The following ARHGEF9 variants were observed in gnomAD, a reference collection of about 807,000 sequenced individuals.
ARHGEF9 encodes Cdc42 guanine nucleotide exchange factor 9.
ARHGEF9 carries 2 observed loss-of-function variants against 41.3 expected under a neutral mutation model. The observed-to-expected ratio is 0.05, with a 90% CI of 0.02 to 0.15. The LOEUF is 0.15. Among genes scored for constraint, ARHGEF9 ranks in the 10% least tolerant of loss-of-function variants. The pLI, the probability that ARHGEF9 is intolerant of heterozygous loss-of-function variation, is 1.00. For synonymous variants in ARHGEF9, 160 were observed against 154.4 expected (o/e 1.04, Z -0.27); for missense variants, 225 against 424.7 (o/e 0.53, Z 4.13).
chrX:63,708,464 C>A (rs1442391107), intron 2 of ARHGEF9, among the ~76,000 whole-genome samples: 4 of 112,087 alleles, frequency 3.6e-5, no homozygotes, highest in Admixed American at 2.8e-4. Flanking sequence ...AGAAATAGAA[C>A]CACATTTAGG....
chrX:63,744,849 C>A (rs1188866584), intron 1 of ARHGEF9, among the ~76,000 whole-genome samples: 2 of 111,875 alleles, frequency 1.8e-5, no homozygotes, highest in Non-Finnish European at 3.8e-5. Context: ...TTAATAAATC[C>A]CTCAACTCCC....
At chrX:63,703,020 T>G (rs1383720055) in intron 3 of ARHGEF9, 2 of 111,807 alleles carry the variant, frequency 1.8e-5, no homozygotes, top group Non-Finnish European at 3.8e-5. Context: ...TGATAAACCA[T>G]TCGCTCCTCA....
At position 63,706,347 on chromosome X, in the gene ARHGEF9, G is replaced by C. The variant is rs2052542875; in HGVS notation, c.313C>G (p.Gln105Glu). 8.3e-7 allele frequency: 1 copy of C among 1,207,092 alleles called. No individual in the cohort carries two copies. The highest frequency in any genetic ancestry group is 1.1e-6 in the Non-Finnish European group (1 of 893,198). Residue 105 changes from glutamine (Q) to glutamate (E), a missense_variant, in exon 3 of 10, where the codon CAG becomes GAG. Physicochemically the swap from Gln to Glu is conservative, Grantham distance 29. Coordinates refer to ENST00000671741, the MANE Select transcript of ARHGEF9 (RefSeq NM_001353921.2). ...TTGGCCCGCATCTGGTCCCGGTTCT[G>C]TAGTGGCCGCCCCAGACAGAGGCAG... ...SDCLCLGRPLQNRDQMRANVI... is the reference protein window; with the variant it reads ...SDCLCLGRPLENRDQMRANVI...
chrX:63,677,088 C>A (rs1248538140), intron 5 of ARHGEF9, among the ~76,000 whole-genome samples: 2 of 111,600 alleles, frequency 1.8e-5, no homozygotes, highest in Non-Finnish European at 3.8e-5. Context: ...GGAATGTGCC[C>A]ATCTCTAACC....
rs1320652611 is a variant in ARHGEF9 at position 63,785,163 on chromosome X, G to T, written c.-18C>A. On this transcript the variant is annotated 5_prime_UTR_variant, in exon 1 of 10. Transcript: ENST00000671741. ...CACTGCATGGTGCTTGCGAAGTCCG[G>T]CTTCTCTGAGGCCCCGTAGCTGGCG... 1 of 1,163,438 alleles carries T rather than the reference G, an allele frequency of 8.6e-7. No individual in the cohort carries two copies. Among genetic ancestry groups the T allele is most frequent in the Non-Finnish European group, 1.1e-6 (1 of 870,655 alleles).
Position 63,724,721 on chromosome X carries a change from C to A in ARHGEF9, c.31-10G>T, listed in dbSNP as rs782313914. ...AATCTCCAGTGATCAGCTTAGGAGA[C>A]AAAATGAGAATGTGTTCAGTCCACA... is the stretch of plus-strand genomic sequence containing the variant. On this transcript the variant is annotated splice_polypyrimidine_tract_variant and intron_variant, in intron 1 of 9. Transcript: ENST00000671741. The A allele has an allele frequency of 9.1e-6, 11 of 1,209,219 alleles. No individual in the cohort carries two copies. Among genetic ancestry groups the A allele is most frequent in the Non-Finnish European group, 1.1e-5 (10 of 893,612 alleles).
intron 4 of ARHGEF9, among the ~76,000 whole-genome samples, chrX:63,686,602 C>T (rs781906538): frequency 8.9e-6 from 1 of 111,794 alleles, no homozygotes; most frequent in Non-Finnish European, 1.9e-5. Context: ...GGCTAAGCCA[C>T]AGACTGGGAT....
At chrX:63,654,625 C>A (rs2048768541) in intron 8 of ARHGEF9, among the ~76,000 whole-genome samples, 1 of 111,708 alleles carries the variant, frequency 9.0e-6, no homozygotes, top group Non-Finnish European at 1.9e-5. Context: ...ATAAGAGAAC[C>A]CTTTTGCACC....
intron 1 of ARHGEF9, among the ~76,000 whole-genome samples, chrX:63,780,675 T>C (rs1395636348): frequency 8.9e-6 from 1 of 112,101 alleles, no homozygotes; most frequent in Non-Finnish European, 1.9e-5. Flanking sequence ...TTTAAAACAA[T>C]TGTGGTTACT....
At chrX:63,724,836 G>C (rs1364625963) in intron 1 of ARHGEF9, 125 bp from the exon 2 acceptor site, 13 of 666,144 alleles carry the variant, frequency 2.0e-5, no homozygotes, top group Non-Finnish European at 2.8e-5. Context: ...ATAGGGGTGA[G>C]GGGGATGGCA....
At chrX:63,650,766 T>C (rs1259685822) in intron 8 of ARHGEF9, among the ~76,000 whole-genome samples, 42 of 110,682 alleles carry the variant, frequency 3.8e-4, no homozygotes, top group African/African-American at 1.3e-3. Context: ...ACCTTAAAAA[T>C]ATGTATAATG....
chrX:63,661,727 A>T (rs1278577604), intron 7 of ARHGEF9, among the ~76,000 whole-genome samples: 9 of 110,789 alleles, frequency 8.1e-5, no homozygotes, highest in African/African-American at 3.0e-4. Context: ...AGGTACCTTC[A>T]CACATGCCCA....
At chrX:63,681,673 C>A (rs2050634443) in intron 4 of ARHGEF9, among the ~76,000 whole-genome samples, 1 of 108,351 alleles carries the variant, frequency 9.2e-6, no homozygotes, top group Admixed American at 9.9e-5. Context: ...CCTCAAGGAA[C>A]TAGAAAAAGA....
At position 63,682,588 on chromosome X, in the gene ARHGEF9, T is replaced by C. The variant is rs180983128; in HGVS notation, c.583-4016A>G. On this transcript the variant is annotated intron_variant, in intron 4 of 9. Coordinates refer to ENST00000671741, the MANE Select transcript of ARHGEF9 (RefSeq NM_001353921.2). ...ATAGGTATAAAGATTCTCAATAAAA[T>C]AGTAGCTAACCCAATTCAGTAACAT... 2.3e-3 allele frequency among the ~76,000 whole-genome samples: 250 copies of C among 110,727 alleles called. 1 individual carries two copies. The highest frequency in any genetic ancestry group is 7.8e-3 in the African/African-American group (239 of 30,554).
chrX:63,718,499 G>C (rs1206373398), intron 2 of ARHGEF9, among the ~76,000 whole-genome samples: 10 of 110,035 alleles, frequency 9.1e-5, no homozygotes, highest in Non-Finnish European at 1.3e-4. Context: ...AAATAAACCC[G>C]GGGGTTGATT....
At chrX:63,641,361 A>T (rs192928068) in intron 9 of ARHGEF9, 3 of 108,743 alleles carry the variant, frequency 2.8e-5, no homozygotes, top group African/African-American at 1.0e-4. Flanking sequence ...TCAGGGAAAA[A>T]AAAAAAAAAA....
At chrX:63,737,785 G>A (rs2054706643) in intron 1 of ARHGEF9, among the ~76,000 whole-genome samples, 1 of 112,031 alleles carries the variant, frequency 8.9e-6, no homozygotes, top group South Asian at 3.8e-4. Flanking sequence ...GTGGGGATGA[G>A]TTGTTCCATT....
At chrX:63,727,187 C>T (rs2054024839) in intron 1 of ARHGEF9, 1 of 111,683 alleles carries the variant, frequency 9.0e-6, no homozygotes, top group Non-Finnish European at 1.9e-5. Context: ...TATCAATTAC[C>T]AACCTTCTGC....
intron 1 of ARHGEF9, among the ~76,000 whole-genome samples, chrX:63,734,463 G>A (rs782008385): frequency 2.6e-4 from 29 of 111,958 alleles, no homozygotes; most frequent in Non-Finnish European, 4.3e-4. Context: ...CAGAACCACC[G>A]TACCATATTT....
Sources: allele counts gnomAD v4.1 joint callset (sites outside exome capture counted in the v4.1 genomes callset), GRCh38; gene constraint gnomAD v4.1.1; transcripts MANE v1.5; gene names NCBI Gene and HGNC (gene_info 2026-07-23, HGNC 2026-07-21).